Variants in FAAH observed in about 807,000 individuals in gnomAD.
The protein encoded by FAAH is fatty-acid amide hydrolase 1.
Under a neutral mutation model 69.7 loss-of-function variants are expected in FAAH, and 63 were observed. The ratio of observed to expected loss-of-function variants is 0.90; its 90% CI spans 0.74 to 1.12. The LOEUF (loss-of-function observed/expected upper bound fraction) is 1.12. Ranked by LOEUF, FAAH falls within the 50% of genes most tolerant of loss-of-function variation. The probability of loss-of-function intolerance (pLI) is 0.00; values close to 1 mark genes in which losing one functional copy is unlikely to be tolerated. For synonymous variants in FAAH, 305 were observed against 324.2 expected (o/e 0.94, Z 0.64); for missense variants, 680 against 755.0 (o/e 0.90, Z 1.16).
Position 46,410,122 on chromosome 1 carries a change from A to C in FAAH, c.1176-276A>C. 1 of 413,328 alleles carries C rather than the reference A, an allele frequency of 2.4e-6. No individual in the cohort carries two copies. The highest frequency in any genetic ancestry group is 4.9e-5 in the East Asian group (1 of 20,546). The allele number at this position is 413,328 out of a possible 1,614,324, so 25.6% of individuals were successfully genotyped here. Reference sequence around the variant, plus strand: ...TACCCTCAGGGAGGCCTCATCAGGGAGATGTTGCCCTCAGTTCTTAGAGCT... The same window carrying C: ...TACCCTCAGGGAGGCCTCATCAGGGCGATGTTGCCCTCAGTTCTTAGAGCT... On this transcript the variant is annotated intron_variant, in intron 9 of 14. Coordinates refer to ENST00000243167, the MANE Select transcript of FAAH (RefSeq NM_001441.3). This position sits in a 1 kb window ranked among gnomAD's most constrained non-coding sequence, Gnocchi z 4.9.
rs189621683 is a variant in FAAH at position 46,396,349 on chromosome 1, C to T, written c.195+1806C>T. On this transcript the variant is annotated intron_variant, in intron 1 of 14. Transcript: ENST00000243167. ...GACACATTCCATTCCCAGGGACGAG[C>T]AGGAGATAGATGCCTTCCTCTTATC... Among the ~76,000 whole-genome samples, 281 of 152,318 alleles carry T rather than the reference C, an allele frequency of 1.8e-3. 1 individual carries two copies. Among genetic ancestry groups the T allele is most frequent in the African/African-American group, 4.3e-3 (178 of 41,560 alleles).
chr1:46,409,251 C>G, intron 9 of FAAH, 53 bp downstream of exon 9: 3 of 1,405,046 alleles, frequency 2.1e-6, no homozygotes, highest in Non-Finnish European at 3.0e-6. Context: ...GTAGGCAGAC[C>G]TGGGGGAGCA....
In FAAH at chr1:46,404,810, G is replaced by A. The variant is rs1240140464; in HGVS notation, c.310-204G>A. Reference sequence around the variant, plus strand: ...CCTGGTTGAAGGCCAGAGACAGCCAGGATGAGGCCTGGGCCAAATGTCCCT... The same window carrying A: ...CCTGGTTGAAGGCCAGAGACAGCCAAGATGAGGCCTGGGCCAAATGTCCCT... On this transcript the variant is annotated intron_variant, in intron 2 of 14. Coordinates refer to ENST00000243167, the MANE Select transcript of FAAH (RefSeq NM_001441.3). The surrounding 1 kb of genome is among the most constrained non-coding windows in gnomAD (Gnocchi z 4.5). Among the ~76,000 whole-genome samples the A allele has an allele frequency of 6.6e-6, 1 of 152,222 alleles. No homozygotes were observed. The highest frequency in any genetic ancestry group is 1.5e-5 in the Non-Finnish European group (1 of 68,036).
chr1:46,402,194 A>C lies in FAAH; in HGVS notation c.299A>C (p.Tyr100Ser), dbSNP rs141269245. The C allele has an allele frequency of 1.4e-5, 22 of 1,602,746 alleles. No homozygotes were observed. The highest frequency in any genetic ancestry group is 6.7e-5 in the African/African-American group (5 of 74,854). Residue 100 changes from tyrosine (Y) to serine (S), a missense_variant, in exon 2 of 15, where the codon TAT becomes TCT. By Grantham distance (144) the Tyr-to-Ser change is moderately radical (BLOSUM62 -2). Coordinates refer to ENST00000243167, the MANE Select transcript of FAAH (RefSeq NM_001441.3). ...GCCCCTGAGGCCGTGCTCTTCACCT[A>C]TGTGGGAAAGGTAAGGCCAGCCAAG... ...ELAPEAVLFT[Y>S]VGKAWEVNKG...
At chr1:46,398,587 G>A (rs533084462) in intron 1 of FAAH, among the ~76,000 whole-genome samples, 2 of 150,526 alleles carry the variant, frequency 1.3e-5, no homozygotes, top group South Asian at 4.2e-4. Flanking sequence ...AGGCTGGAGT[G>A]TAGTGGCTCA....
chr1:46,410,202 G>T lies in FAAH; in HGVS notation c.1176-196G>T. The stretch of plus-strand genomic sequence containing the variant: ...CTGAGTCCTGCCTTGGGGAGCTCCC[G>T]TGGATGTGGGTTGCAGCCCAGGCAT... On this transcript the variant is annotated intron_variant, in intron 9 of 14. Coordinates refer to ENST00000243167, the MANE Select transcript of FAAH (RefSeq NM_001441.3). This position sits in a 1 kb window ranked among gnomAD's most constrained non-coding sequence, Gnocchi z 4.9. The T allele has an allele frequency of 1.5e-6, 1 of 656,302 alleles. No homozygotes were observed. Among genetic ancestry groups the T allele is most frequent in the South Asian group, 1.7e-5 (1 of 59,196 alleles). 40.7% of individuals were successfully genotyped at this position (656,302 alleles called of 1,614,324 possible).
In FAAH at chr1:46,411,564, T is replaced by G. The variant is rs1350673599; in HGVS notation, c.1317-48T>G. 6.2e-7 allele frequency: 1 copy of G among 1,610,036 alleles called. No homozygotes were observed. The highest frequency in any genetic ancestry group is 8.5e-7 in the Non-Finnish European group (1 of 1,177,080). On this transcript the variant is annotated intron_variant, in intron 11 of 14. Transcript: ENST00000243167. The surrounding 1 kb of genome is among the most constrained non-coding windows in gnomAD (Gnocchi z 4.8). ...CAGTAGGGGTCTGATGTTGCTGATC[T>G]CCGTGGCTGTGACCATCATGGCTGG...
chr1:46,410,834 C>G lies in FAAH; in HGVS notation c.1296C>G (p.Phe432Leu), dbSNP rs1664899767. Residue 432 changes from phenylalanine to leucine, a missense_variant, in exon 11 of 15, where the codon TTC becomes TTG. Transcript: ENST00000243167. The surrounding 1 kb of genome is among the most constrained non-coding windows in gnomAD (Gnocchi z 4.9). Reference sequence around the variant, plus strand: ...TGCAGCTGCCAAGGCTGTCAGCTTTCCTCAGCAACATGAAGTCTCGGTAAG... The same window carrying G: ...TGCAGCTGCCAAGGCTGTCAGCTTTGCTCAGCAACATGAAGTCTCGGTAAG... The part of the protein sequence containing the change: ...VKPLLPRLSA[F>L]LSNMKSRSAG... 6.2e-7 allele frequency: 1 copy of G among 1,614,192 alleles called. No homozygotes were observed. Among genetic ancestry groups the G allele is most frequent in the African/African-American group, 1.3e-5 (1 of 75,048 alleles).
At chr1:46,407,556 T>G (rs1312635718) in intron 7 of FAAH, among the ~76,000 whole-genome samples, 1 of 152,096 alleles carries the variant, frequency 6.6e-6, no homozygotes, top group Non-Finnish European at 1.5e-5. Flanking sequence ...ACCAGTATTT[T>G]GCTCTCTTGA....
At chr1:46,403,346 G>A (rs141370954) in intron 2 of FAAH, among the ~76,000 whole-genome samples, 350 of 151,634 alleles carry the variant, frequency 2.3e-3, no homozygotes, top group Non-Finnish European at 3.7e-3. Context: ...CCAACCTCAG[G>A]TGATCCTCTG....
Position 46,405,292 on chromosome 1 carries a change from G to A in FAAH, c.445-80G>A. On this transcript the variant is annotated intron_variant, in intron 3 of 14. Transcript: ENST00000243167. This position sits in a 1 kb window ranked among gnomAD's most constrained non-coding sequence, Gnocchi z 4.1. ...GACACTGGTATACCTGTTTTGGCCT[G>A]TGTGACAGTTGTTGGAGTGGACCCT... The A allele has an allele frequency of 1.2e-6, 2 of 1,606,396 alleles. No homozygotes were observed. The highest frequency in any genetic ancestry group is 8.5e-7 in the Non-Finnish European group (1 of 1,179,620).
At chr1:46,402,318 T>G (rs1569811582) in intron 2 of FAAH, 114 bp downstream of exon 2, 1 of 921,676 alleles carries the variant, frequency 1.1e-6, no homozygotes, top group African/African-American at 1.6e-5. Context: ...TGGCCTGGAG[T>G]TAGTCCTGCT....
chr1:46,410,105 G>A lies in FAAH; in HGVS notation c.1176-293G>A. 1 of 371,314 alleles carries A rather than the reference G, an allele frequency of 2.7e-6. No individual in the cohort carries two copies. The highest frequency in any genetic ancestry group is 5.0e-6 in the Non-Finnish European group (1 of 198,824). 23.0% of individuals were successfully genotyped at this position (371,314 alleles called of 1,614,324 possible). A position where few individuals can be genotyped will look rare whatever the true frequency, so the allele number is the denominator to read the frequency against. On this transcript the variant is annotated intron_variant, in intron 9 of 14. Coordinates refer to ENST00000243167, the MANE Select transcript of FAAH (RefSeq NM_001441.3). The surrounding 1 kb of genome is among the most constrained non-coding windows in gnomAD (Gnocchi z 4.9). The stretch of plus-strand genomic sequence containing the variant: ...ACCTCCCTAAGGGGAGGTACCCTCA[G>A]GGAGGCCTCATCAGGGAGATGTTGC...
intron 1 of FAAH, 129 bp downstream of exon 1, chr1:46,394,672 C>T (rs1427196425): frequency 2.5e-6 from 2 of 815,522 alleles, no homozygotes; most frequent in Admixed American, 4.4e-5. Context: ...CAGAATCTCT[C>T]CTTGCCCTAA....
intron 1 of FAAH, among the ~76,000 whole-genome samples, chr1:46,395,912 G>A (rs1199820707): frequency 6.6e-6 from 1 of 152,192 alleles, no homozygotes; most frequent in Non-Finnish European, 1.5e-5. Context: ...CCTCAGGTGG[G>A]ACAAGAGACT....
At position 46,413,560 on chromosome 1, in the gene FAAH, A is replaced by G. The variant is rs201909646; in HGVS notation, c.1725A>G (p.Glu575=). 3.0e-4 allele frequency: 482 copies of G among 1,613,860 alleles called. No homozygotes were observed. The highest frequency in any genetic ancestry group is 4.0e-4 in the Non-Finnish European group (475 of 1,179,950). ...MREVERLMTP[E]KQSS is the part of the protein sequence containing the mutation. ...AGGTGGAGCGACTGATGACCCCTGA[A>G]AAGCAGTCATCCTGATGGCTCTGGC... is the stretch of plus-strand genomic sequence containing the variant. The change falls in exon 15 of 15, where the codon GAA becomes GAG. Residue 575 remains glutamate (E), a synonymous_variant. Transcript: ENST00000243167.
At chr1:46,403,043 AG>A (rs1664731479) in intron 2 of FAAH, among the ~76,000 whole-genome samples, 2 of 152,122 alleles carry the variant, frequency 1.3e-5, no homozygotes, top group Non-Finnish European at 2.9e-5. Flanking sequence ...CATGTTGATC[AG>A]GCTGGTCTCA....
Position 46,405,248 on chromosome 1 carries a change from T to C in FAAH, c.444+100T>C. 1.2e-6 allele frequency: 2 copies of C among 1,610,540 alleles called. No homozygotes were observed. The highest frequency in any genetic ancestry group is 1.7e-6 in the Non-Finnish European group (2 of 1,179,186). ...TTGGGCCCTTAGAGGAGGTATCAGG[T>C]CCAGAGGCCTTCCGAGGGGACACTG... On this transcript the variant is annotated intron_variant, in intron 3 of 14. Transcript: ENST00000243167. The surrounding 1 kb of genome is among the most constrained non-coding windows in gnomAD (Gnocchi z 4.1).
intron 9 of FAAH, among the ~76,000 whole-genome samples, chr1:46,409,440 GT>G (rs1664861200): frequency 6.6e-6 from 1 of 152,132 alleles, no homozygotes; most frequent in Non-Finnish European, 1.5e-5. Flanking sequence ...ATCTGAGCTT[GT>G]TGTGAGGTAG....
Sources: gnomAD v4.1 joint callset for allele counts (sites outside exome capture counted in the v4.1 genomes callset) on GRCh38, gnomAD v4.1.1 for gene constraint, Gnocchi (gnomAD v3.1) non-coding constraint, MANE v1.5 for transcripts, NCBI Gene and HGNC (gene_info 2026-07-23, HGNC 2026-07-21) for gene names.